The following H4C7 variants were observed in gnomAD, a reference collection of about 807,000 sequenced individuals.
The protein encoded by H4C7 is histone H4-like protein type G.
In H4C7, 7 loss-of-function variants were observed where a neutral mutation model predicts 5.2. The observed-to-expected ratio is 1.34, with a 90% confidence interval of 0.76 to 2.52. H4C7 has a LOEUF of 2.52. Ranked by LOEUF, H4C7 falls within the 30% of genes most tolerant of loss-of-function variation. The pLI is 0.00. For missense variants in H4C7, 148 were observed against 138.4 expected, an observed-to-expected ratio of 1.07 and a Z score of -0.35; for synonymous variants, 69 against 57.5, an observed-to-expected ratio of 1.20 and a Z score of -0.90.
rs781167452 is a variant in H4C7, at chr6:26,246,842, G to T, written c.136C>A (p.Arg46Ser). The change falls in exon 1 of 1, where the codon CGC becomes AGC. Residue 46 changes from arginine to serine, a missense_variant. Physicochemically the swap from Arg to Ser is moderately radical, Grantham distance 110 (BLOSUM62 -1). Transcript: ENST00000611444. The part of the protein sequence containing the change: ...RRLARHGGVK[R>S]ILGLIYEETR... ...TCCTCATAAATGAGGCCCAAGATGC[G>T]CTTGACACCGCCATGCCGGGCCAAG... 1.9e-6 allele frequency: 3 copies of T among 1,614,152 alleles called. No individual in the cohort carries two copies. Among genetic ancestry groups the T allele is most frequent in the Admixed American group, 1.7e-5 (1 of 60,030 alleles).
rs1759965797 is a variant in H4C7 at position 26,246,752 on chromosome 6, G to A, written c.226C>T (p.His76Tyr). The A allele has an allele frequency of 6.2e-7, 1 of 1,613,670 alleles. No individual in the cohort carries two copies. The highest frequency in any genetic ancestry group is 1.3e-5 in the African/African-American group (1 of 74,898). ...GCGGTGACCGTCTTGCGCTTGGCGT[G>A]CTCCGTGTTGGTCACGGCGTACCAG... ...VIWYAVTNTE[H>Y]AKRKTVTAMA... Residue 76 changes from histidine (H) to tyrosine (Y), a missense_variant, in exon 1 of 1, where the codon CAC (histidine) becomes TAC (tyrosine). Physicochemically the swap from His to Tyr is moderately conservative, Grantham distance 83. Coordinates refer to ENST00000611444, the MANE Select transcript of H4C7 (RefSeq NM_003547.3).
chr6:26,246,881 A>G lies in H4C7; in HGVS notation c.97T>C (p.Cys33Arg). Residue 33 changes from cysteine to arginine, a missense_variant, in exon 1 of 1, where the codon TGC (cysteine) becomes CGC (arginine). Transcript: ENST00000611444. ...TGCCGGGCCAAGCGCCGGATAGTGC[A>G]CTTGGTAATGCCCTGAATATTATCG... The part of the protein sequence containing the change: ...LSDNIQGITK[C>R]TIRRLARHGG... 8 of 1,614,172 alleles carry G rather than the reference A, an allele frequency of 5.0e-6. No individual in the cohort carries two copies. Among genetic ancestry groups the G allele is most frequent in the Non-Finnish European group, 6.8e-6 (8 of 1,180,016 alleles).
Position 26,246,810 on chromosome 6 carries a change from G to T in H4C7, c.168C>A (p.Arg56=). The part of the protein sequence containing the change: ...RILGLIYEET[R]RVFKVFLENV... The stretch of plus-strand genomic sequence containing the variant: ...TTTCCAGGAACACCTTGAACACCCG[G>T]CGGGTCTCCTCATAAATGAGGCCCA... Residue 56 remains arginine (R), a synonymous_variant, in exon 1 of 1, where the codon CGC becomes CGA. Coordinates refer to ENST00000611444, the MANE Select transcript of H4C7 (RefSeq NM_003547.3). 1 of 1,614,164 alleles carries T rather than the reference G, an allele frequency of 6.2e-7. No homozygotes were observed. Among genetic ancestry groups the T allele is most frequent in the Non-Finnish European group, 8.5e-7 (1 of 1,180,016 alleles).
chr6:26,246,935 C>A lies in H4C7; in HGVS notation c.43G>T (p.Gly15Cys), dbSNP rs1581476230. 4.4e-6 allele frequency: 7 copies of A among 1,603,272 alleles called. No homozygotes were observed. Among genetic ancestry groups the A allele is most frequent in the Non-Finnish European group, 6.0e-6 (7 of 1,170,876 alleles). Residue 15 changes from glycine to cysteine, a missense_variant, in exon 1 of 1, where the codon GGT becomes TGT. Transcript: ENST00000611444. ...GKAGKGLGKG[G>C]AKCHRKVLSD... ...AGTACCTTGCGATGGCACTTGGCAC[C>A]GCCTTTCCCAAGGCCTTTTCCGGCC... is the stretch of plus-strand genomic sequence containing the variant.
rs763307927 is a variant in H4C7 at position 26,246,862 on chromosome 6, G to T, written c.116C>A (p.Ala39Asp). The T allele has an allele frequency of 6.2e-7, 1 of 1,614,160 alleles. No individual in the cohort carries two copies. Among genetic ancestry groups the T allele is most frequent in the South Asian group, 1.1e-5 (1 of 91,086 alleles). The change falls in exon 1 of 1, where the codon GCC becomes GAC. Residue 39 changes from alanine (A) to aspartate (D), a missense_variant. Transcript: ENST00000611444. ...GITKCTIRRLARHGGVKRILG... is the reference protein window; with the variant it reads ...GITKCTIRRLDRHGGVKRILG... ...GATGCGCTTGACACCGCCATGCCGG[G>T]CCAAGCGCCGGATAGTGCACTTGGT...
rs1467169763 is a variant in H4C7 at position 26,246,777 on chromosome 6, G to A, written c.201C>T (p.Ile67=). 1 of 1,614,164 alleles carries A rather than the reference G, an allele frequency of 6.2e-7. No homozygotes were observed. The highest frequency in any genetic ancestry group is 8.5e-7 in the Non-Finnish European group (1 of 1,180,002). Residue 67 remains isoleucine (I), a synonymous_variant, in exon 1 of 1, where the codon ATC becomes ATT. Transcript: ENST00000611444. Reference sequence around the variant, plus strand: ...GCTCCGTGTTGGTCACGGCGTACCAGATCACATTTTCCAGGAACACCTTGA... The same window carrying A: ...GCTCCGTGTTGGTCACGGCGTACCAAATCACATTTTCCAGGAACACCTTGA... ...RVFKVFLENV[I]WYAVTNTEHA...
In H4C7 at chr6:26,246,897, A is replaced by G; in HGVS notation, c.81T>C (p.Ile27=). Residue 27 remains isoleucine (I), a synonymous_variant, in exon 1 of 1, where the codon ATT becomes ATC. Transcript: ENST00000611444. The part of the protein sequence containing the change: ...KCHRKVLSDN[I]QGITKCTIRR... ...GGATAGTGCACTTGGTAATGCCCTG[A>G]ATATTATCGCTCAGTACCTTGCGAT... 4 of 1,614,178 alleles carry G rather than the reference A, an allele frequency of 2.5e-6. No individual in the cohort carries two copies. Among genetic ancestry groups the G allele is most frequent in the Non-Finnish European group, 3.4e-6 (4 of 1,180,010 alleles).
Position 26,246,920 on chromosome 6 carries a change from G to A in H4C7, c.58C>T (p.Arg20Cys), listed in dbSNP as rs893338944. 6.2e-7 allele frequency: 1 copy of A among 1,607,836 alleles called. No individual in the cohort carries two copies. The highest frequency in any genetic ancestry group is 8.5e-7 in the Non-Finnish European group (1 of 1,174,612). The change falls in exon 1 of 1, where the codon CGC (arginine) becomes TGC (cysteine). Residue 20 changes from arginine to cysteine, a missense_variant. Coordinates refer to ENST00000611444, the MANE Select transcript of H4C7 (RefSeq NM_003547.3). ...GLGKGGAKCHRKVLSDNIQGI... is the reference protein window; with the variant it reads ...GLGKGGAKCHCKVLSDNIQGI... ...TGAATATTATCGCTCAGTACCTTGC[G>A]ATGGCACTTGGCACCGCCTTTCCCA...
At position 26,246,868 on chromosome 6, in the gene H4C7, C is replaced by G. The variant is rs1302106890; in HGVS notation, c.110G>C (p.Arg37Pro). Reference protein sequence around the residue: ...IQGITKCTIRRLARHGGVKRI... With the variant: ...IQGITKCTIRPLARHGGVKRI... ...CTTGACACCGCCATGCCGGGCCAAG[C>G]GCCGGATAGTGCACTTGGTAATGCC... The change falls in exon 1 of 1, where the codon CGC becomes CCC. Residue 37 changes from arginine (R) to proline (P), a missense_variant. Coordinates refer to ENST00000611444, the MANE Select transcript of H4C7 (RefSeq NM_003547.3). 6.2e-7 allele frequency: 1 copy of G among 1,614,180 alleles called. No individual in the cohort carries two copies. The highest frequency in any genetic ancestry group is 8.5e-7 in the Non-Finnish European group (1 of 1,180,026).
chr6:26,246,841 C>A lies in H4C7; in HGVS notation c.137G>T (p.Arg46Leu), dbSNP rs928256076. The A allele has an allele frequency of 1.9e-6, 3 of 1,614,178 alleles. No individual in the cohort carries two copies. The highest frequency in any genetic ancestry group is 2.2e-5 in the East Asian group (1 of 44,868). ...CTCCTCATAAATGAGGCCCAAGATG[C>A]GCTTGACACCGCCATGCCGGGCCAA... is the stretch of plus-strand genomic sequence containing the variant. ...RRLARHGGVK[R>L]ILGLIYEETR... The change falls in exon 1 of 1, where the codon CGC (arginine) becomes CTC (leucine). Residue 46 changes from arginine (R) to leucine (L), a missense_variant. Physicochemically the swap from Arg to Leu is moderately radical, Grantham distance 102. Coordinates refer to ENST00000611444, the MANE Select transcript of H4C7 (RefSeq NM_003547.3).
chr6:26,246,735 C>A lies in H4C7; in HGVS notation c.243G>T (p.Thr81=). ...CGTAGACCACGGCCATGGCGGTGAC[C>A]GTCTTGCGCTTGGCGTGCTCCGTGT... is the stretch of plus-strand genomic sequence containing the variant. The part of the protein sequence containing the change: ...VTNTEHAKRK[T]VTAMAVVYVL... Residue 81 remains threonine, a synonymous_variant, in exon 1 of 1, where the codon ACG becomes ACT. Coordinates refer to ENST00000611444, the MANE Select transcript of H4C7 (RefSeq NM_003547.3). 6.2e-7 allele frequency: 1 copy of A among 1,610,454 alleles called. No individual in the cohort carries two copies. Among genetic ancestry groups the A allele is most frequent in the Non-Finnish European group, 8.5e-7 (1 of 1,176,940 alleles).
In H4C7 at chr6:26,246,901, T is replaced by TTA; in HGVS notation, c.75_76dup (p.Asn26IlefsTer42). 6.2e-7 allele frequency: 1 copy of TTA among 1,614,140 alleles called. No homozygotes were observed. The highest frequency in any genetic ancestry group is 8.5e-7 in the Non-Finnish European group (1 of 1,180,000). On this transcript the variant is annotated frameshift_variant, in exon 1 of 1. Coordinates refer to ENST00000611444, the MANE Select transcript of H4C7 (RefSeq NM_003547.3). LOFTEE classifies it high-confidence loss of function. Reference sequence around the variant, plus strand: ...AGTGCACTTGGTAATGCCCTGAATATTATCGCTCAGTACCTTGCGATGGCA... The same window carrying TTA: ...AGTGCACTTGGTAATGCCCTGAATATTATATCGCTCAGTACCTTGCGATGGCA...
chr6:26,246,955 C>T lies in H4C7; in HGVS notation c.23G>A (p.Gly8Glu). The T allele has an allele frequency of 6.2e-7, 1 of 1,600,074 alleles. No homozygotes were observed. Among genetic ancestry groups the T allele is most frequent in the South Asian group, 1.1e-5 (1 of 90,782 alleles). MSVRGKA[G>E]KGLGKGGAKC... ...GGCACCGCCTTTCCCAAGGCCTTTT[C>T]CGGCCTTGCCCCGAACAGACATGAT... Residue 8 changes from glycine to glutamate, a missense_variant, in exon 1 of 1, where the codon GGA becomes GAA. Transcript: ENST00000611444.
Position 26,246,749 on chromosome 6 carries a change from C to A in H4C7, c.229G>T (p.Ala77Ser). 1 of 1,613,464 alleles carries A rather than the reference C, an allele frequency of 6.2e-7. No individual in the cohort carries two copies. Among genetic ancestry groups the A allele is most frequent in the Non-Finnish European group, 8.5e-7 (1 of 1,179,428 alleles). The stretch of plus-strand genomic sequence containing the variant: ...ATGGCGGTGACCGTCTTGCGCTTGG[C>A]GTGCTCCGTGTTGGTCACGGCGTAC... ...IWYAVTNTEH[A>S]KRKTVTAMAV... The change falls in exon 1 of 1, where the codon GCC (alanine) becomes TCC (serine). Residue 77 changes from alanine (A) to serine (S), a missense_variant. Coordinates refer to ENST00000611444, the MANE Select transcript of H4C7 (RefSeq NM_003547.3).
rs72836407 is a variant in H4C7, at chr6:26,246,986, A to T, written c.-9T>A. 1.3e-6 allele frequency: 2 copies of T among 1,574,932 alleles called. No homozygotes were observed. Among genetic ancestry groups the T allele is most frequent in the Non-Finnish European group, 1.7e-6 (2 of 1,154,258 alleles). On this transcript the variant is annotated 5_prime_UTR_variant, in exon 1 of 1. The change creates a new upstream start codon in the 5' untranslated region. Transcript: ENST00000611444. ...TTGCCCCGAACAGACATGATAAACA[A>T]GTCAGAACTATCTCTAAACAAAACG...
rs1646900211 is a variant in H4C7, at chr6:26,246,672, G to A, written c.*9C>T. ...AGGAAAGGCCTGGCCTCACTTAACC[G>A]CCAAAGCCTTACAGGGTTCTTCCCT... On this transcript the variant is annotated 3_prime_UTR_variant, in exon 1 of 1. Transcript: ENST00000611444. 2.6e-6 allele frequency: 4 copies of A among 1,568,158 alleles called. No individual in the cohort carries two copies. Among genetic ancestry groups the A allele is most frequent in the Non-Finnish European group, 3.5e-6 (4 of 1,150,768 alleles).
chr6:26,246,726 G>T lies in H4C7; in HGVS notation c.252C>A (p.Ala84=). The T allele has an allele frequency of 6.2e-7, 1 of 1,609,870 alleles. No individual in the cohort carries two copies. Among genetic ancestry groups the T allele is most frequent in the African/African-American group, 1.3e-5 (1 of 74,970 alleles). The change falls in exon 1 of 1, where the codon GCC becomes GCA. Residue 84 remains alanine, a synonymous_variant. Transcript: ENST00000611444. The stretch of plus-strand genomic sequence containing the variant: ...GTTTGAGCACGTAGACCACGGCCAT[G>T]GCGGTGACCGTCTTGCGCTTGGCGT... ...TEHAKRKTVT[A]MAVVYVLKRQ... is the part of the protein sequence containing the mutation.
rs1346864060 is a variant in H4C7 at position 26,246,738 on chromosome 6, C to T, written c.240G>A (p.Lys80=). 6.2e-7 allele frequency: 1 copy of T among 1,612,676 alleles called. No homozygotes were observed. The highest frequency in any genetic ancestry group is 8.5e-7 in the Non-Finnish European group (1 of 1,178,884). The stretch of plus-strand genomic sequence containing the variant: ...AGACCACGGCCATGGCGGTGACCGT[C>T]TTGCGCTTGGCGTGCTCCGTGTTGG... ...AVTNTEHAKR[K]TVTAMAVVYV... is the part of the protein sequence containing the mutation. The change falls in exon 1 of 1, where the codon AAG becomes AAA. Residue 80 remains lysine (K), a synonymous_variant. Coordinates refer to ENST00000611444, the MANE Select transcript of H4C7 (RefSeq NM_003547.3).
At position 26,246,695 on chromosome 6, in the gene H4C7, C is replaced by G; in HGVS notation, c.283G>C (p.Gly95Arg). The part of the protein sequence containing the change: ...MAVVYVLKRQ[G>R]RTL The stretch of plus-strand genomic sequence containing the variant: ...CCGCCAAAGCCTTACAGGGTTCTTC[C>G]CTGGCGTTTGAGCACGTAGACCACG... The change falls in exon 1 of 1, where the codon GGA becomes CGA. Residue 95 changes from glycine to arginine, a missense_variant. Transcript: ENST00000611444. The G allele has an allele frequency of 2.5e-6, 4 of 1,595,910 alleles. No homozygotes were observed. The highest frequency in any genetic ancestry group is 3.4e-6 in the Non-Finnish European group (4 of 1,166,416).
Sources: allele counts gnomAD v4.1 joint callset, GRCh38; gene constraint gnomAD v4.1.1; transcripts MANE v1.5; gene names NCBI Gene and HGNC (gene_info 2026-07-23, HGNC 2026-07-21).